The following TCF7L2 variants were observed in gnomAD, a reference collection of about 807,000 sequenced individuals.
The protein encoded by TCF7L2 is transcription factor 7-like 2.
In TCF7L2, 23 loss-of-function variants were observed where a neutral mutation model predicts 77.9. The observed-to-expected ratio is 0.30, with a 90% CI of 0.21 to 0.42. The LOEUF (loss-of-function observed/expected upper bound fraction) is 0.42. TCF7L2 is among the 10% of genes least tolerant of loss of function. TCF7L2 has a pLI of 1.00. For missense variants in TCF7L2, 654 were observed against 793.1 expected, an observed-to-expected ratio of 0.82 and a Z score of 2.11; for synonymous variants, 413 against 340.2, an observed-to-expected ratio of 1.21 and a Z score of -2.36.
chr10:112,995,527 C>T (rs937175127), intron 4 of TCF7L2, among the ~76,000 whole-genome samples: 3 of 152,110 alleles, frequency 2.0e-5, no homozygotes, highest in African/African-American at 7.2e-5. Context: ...TGAACTGTGC[C>T]GGTTCTTGCA....
intron 5 of TCF7L2, among the ~76,000 whole-genome samples, chr10:113,117,150 G>A (rs117480590): frequency 0.011 from 1,715 of 152,254 alleles, 11 homozygotes; most frequent in Non-Finnish European, 0.018. Flanking sequence ...TTGAAAGAAC[G>A]CCTTTGCTTG....
In TCF7L2 at chr10:113,165,717, G is replaced by A. The variant is rs368142604; in HGVS notation, c.1554G>A (p.Ser518=). The A allele has an allele frequency of 6.9e-6, 11 of 1,605,212 alleles. No homozygotes were observed. Among genetic ancestry groups the A allele is most frequent in the Middle Eastern group, 1.7e-4 (1 of 6,060 alleles). ...AGACTGAGCAGACCCAGCCTCTGTC[G>A]CTGTCCCTGAAGCCCGACCCCCTGG... The change falls in exon 14 of 14, where the codon TCG becomes TCA. Residue 518 remains serine (S), a synonymous_variant. Coordinates refer to ENST00000627217, the MANE Select transcript of TCF7L2 (RefSeq NM_001146274.2).
chr10:113,012,330 G>T (rs926717734), intron 4 of TCF7L2, among the ~76,000 whole-genome samples: 5 of 152,188 alleles, frequency 3.3e-5, no homozygotes, highest in African/African-American at 9.7e-5. Context: ...TGACTGCTCC[G>T]TTTATGAAAC....
At chr10:113,104,953 T>G (rs1312356015) in intron 5 of TCF7L2, among the ~76,000 whole-genome samples, 1 of 152,100 alleles carries the variant, frequency 6.6e-6, no homozygotes, top group Non-Finnish European at 1.5e-5. Flanking sequence ...TGGCTGATAG[T>G]CTCCCTCCCT....
intron 4 of TCF7L2, among the ~76,000 whole-genome samples, chr10:112,988,061 A>G (rs541267354): frequency 6.7e-6 from 1 of 148,618 alleles, no homozygotes; most frequent in Admixed American, 6.8e-5. Context: ...TGGGAAAAAG[A>G]TAACACTTAT....
chr10:113,011,733 C>T (rs137866797), intron 4 of TCF7L2, among the ~76,000 whole-genome samples: 10 of 152,198 alleles, frequency 6.6e-5, no homozygotes, highest in African/African-American at 2.4e-4. Flanking sequence ...GTATTACCAC[C>T]TTGAGTATTG....
chr10:112,953,996 G>A (rs186841041), intron 3 of TCF7L2, among the ~76,000 whole-genome samples: 3 of 152,328 alleles, frequency 2.0e-5, no homozygotes, highest in East Asian at 3.9e-4. Flanking sequence ...CAAAATTAAA[G>A]TTATTTATTT....
At chr10:113,107,018 C>T (rs572302994) in intron 5 of TCF7L2, among the ~76,000 whole-genome samples, 124 of 152,290 alleles carry the variant, frequency 8.1e-4, no homozygotes, top group African/African-American at 2.9e-3. Flanking sequence ...ATAATTTTTG[C>T]GAAGAGCTGT....
intron 5 of TCF7L2, among the ~76,000 whole-genome samples, chr10:113,060,426 A>G (rs2056241307): frequency 6.6e-6 from 1 of 152,134 alleles, no homozygotes. Context: ...CTTCTTCAGG[A>G]CCGAATGCAC....
intron 5 of TCF7L2, among the ~76,000 whole-genome samples, chr10:113,065,991 G>A (rs1422367328): frequency 6.6e-6 from 1 of 152,152 alleles, no homozygotes; most frequent in African/African-American, 2.4e-5. Context: ...GCAGCCAGAG[G>A]AGTCCATGAT....
chr10:113,030,813 G>A (rs1389966046), intron 4 of TCF7L2, among the ~76,000 whole-genome samples: 3 of 152,188 alleles, frequency 2.0e-5, no homozygotes, highest in African/African-American at 7.2e-5. Flanking sequence ...TGTGCTGGTG[G>A]TGGAGCTGAC....
intron 5 of TCF7L2, among the ~76,000 whole-genome samples, chr10:113,123,743 G>A (rs1364518670): frequency 6.6e-6 from 1 of 152,168 alleles, no homozygotes; most frequent in Non-Finnish European, 1.5e-5. Flanking sequence ...TAAAAAAGGA[G>A]TGCTAGAGGA....
chr10:113,017,793 T>C (rs192055363), intron 4 of TCF7L2, among the ~76,000 whole-genome samples: 20 of 152,312 alleles, frequency 1.3e-4, no homozygotes, highest in Admixed American at 1.1e-3. Context: ...TTTTATTGAA[T>C]CCTATGCTGG....
At chr10:113,052,821 T>C (rs931579115) in intron 5 of TCF7L2, among the ~76,000 whole-genome samples, 5 of 152,244 alleles carry the variant, frequency 3.3e-5, no homozygotes, top group African/African-American at 1.2e-4. Context: ...CAGTGAACTC[T>C]ACAGTTCTCT....
intron 5 of TCF7L2, among the ~76,000 whole-genome samples, chr10:113,076,901 G>A (rs986103675): frequency 1.3e-5 from 2 of 152,134 alleles, no homozygotes; most frequent in African/African-American, 4.8e-5. Flanking sequence ...CCCCTCCCCT[G>A]CATTTTTAGC....
At position 113,130,915 on chromosome 10, in the gene TCF7L2, G is replaced by A. The variant is rs528163509; in HGVS notation, c.553-10269G>A. ...TGAGTAGCTGGTATTACAGGCACCC[G>A]CCACCATGCCCAGATAATTTTTGTA... is the stretch of plus-strand genomic sequence containing the variant. On this transcript the variant is annotated intron_variant, in intron 5 of 13. Transcript: ENST00000627217. Among the ~76,000 whole-genome samples the A allele has an allele frequency of 9.3e-4, 141 of 152,006 alleles. 3 individuals carry two copies. The South Asian group carries it at 0.028, about 31-fold the overall frequency.
intron 5 of TCF7L2, among the ~76,000 whole-genome samples, chr10:113,082,730 T>C (rs2059438091): frequency 6.6e-6 from 1 of 152,102 alleles, no homozygotes; most frequent in Non-Finnish European, 1.5e-5. Context: ...GTGCATCGCT[T>C]CTGTACGTAG....
At chr10:113,154,076 G>A (rs1592381228) in intron 11 of TCF7L2, among the ~76,000 whole-genome samples, 1 of 152,214 alleles carries the variant, frequency 6.6e-6, no homozygotes. Context: ...CCTTGTCGCC[G>A]ACAGATGGGC....
intron 5 of TCF7L2, chr10:113,132,989 CA>C (rs1479867805): frequency 6.6e-6 from 1 of 152,200 alleles, no homozygotes; most frequent in Non-Finnish European, 1.5e-5. Flanking sequence ...ACTCGCTGAT[CA>C]GGGGCGAGCC....
Sources: gnomAD v4.1 joint callset for allele counts (sites outside exome capture counted in the v4.1 genomes callset) on GRCh38, gnomAD v4.1.1 for gene constraint, MANE v1.5 for transcripts, NCBI Gene and HGNC (gene_info 2026-07-23, HGNC 2026-07-21) for gene names.